The following RNF145 variants were observed in gnomAD, a reference collection of about 807,000 sequenced individuals.
The protein encoded by RNF145 is ring finger protein 145.
A neutral mutation model predicts 57.3 loss-of-function variants in RNF145; 12 were observed. That is an observed-to-expected ratio of 0.21 (90% CI 0.13 to 0.34). The LOEUF is 0.34. Ranked by LOEUF, RNF145 falls within the 10% of genes least tolerant of loss-of-function variation. RNF145 has a pLI of 1.00. For missense variants in RNF145, 429 were observed against 799.0 expected, an observed-to-expected ratio of 0.54 and a Z score of 5.58; for synonymous variants, 262 against 288.3, an observed-to-expected ratio of 0.91 and a Z score of 0.92.
chr5:159,200,962 G>C (rs916796545), intron 2 of RNF145, among the ~76,000 whole-genome samples: 9 of 152,158 alleles, frequency 5.9e-5, no homozygotes, highest in Non-Finnish European at 1.0e-4. Context: ...TGTGGTAACA[G>C]GCTGTTTTGA....
intron 5 of RNF145, among the ~76,000 whole-genome samples, chr5:159,175,595 C>T (rs1233391331): frequency 6.6e-6 from 1 of 152,090 alleles, no homozygotes; most frequent in Non-Finnish European, 1.5e-5. Flanking sequence ...ACAACTATAA[C>T]CCTTCCTGCC....
chr5:159,159,072 T>A, intron 10 of RNF145, 37 bp from the exon 11 acceptor site: 1 of 1,560,414 alleles, frequency 6.4e-7, no homozygotes, highest in South Asian at 1.2e-5. Flanking sequence ...TATAAATGTC[T>A]GTTTTCTAGT....
Position 159,174,140 on chromosome 5 carries a change from G to A in RNF145, c.640C>T (p.Leu214Phe). The stretch of plus-strand genomic sequence containing the variant: ...CACAGGGACATTCCCAAGGCGAGAA[G>A]GCCATATACCTCCACTACCTAAATA... Reference protein sequence around the residue: ...ELVQVVEVYGLLALGMSLWNQ... With the variant: ...ELVQVVEVYGFLALGMSLWNQ... The change falls in exon 6 of 11, where the codon CTT becomes TTT. Residue 214 changes from leucine (L) to phenylalanine (F), a missense_variant. Transcript: ENST00000424310. 6.2e-7 allele frequency: 1 copy of A among 1,610,056 alleles called. No homozygotes were observed. The highest frequency in any genetic ancestry group is 8.5e-7 in the Non-Finnish European group (1 of 1,178,258).
chr5:159,192,902 T>C (rs555417277), intron 3 of RNF145, among the ~76,000 whole-genome samples: 3 of 152,238 alleles, frequency 2.0e-5, no homozygotes, highest in African/African-American at 7.2e-5. Flanking sequence ...AATGACTGCA[T>C]TACACTCTAT....
chr5:159,165,101 A>G (rs1453074551), intron 8 of RNF145, among the ~76,000 whole-genome samples: 2 of 152,290 alleles, frequency 1.3e-5, no homozygotes, highest in South Asian at 2.1e-4. Flanking sequence ...TTGTCTGTGC[A>G]TGTCCCTCCT....
chr5:159,185,938 G>C (rs970579435), intron 3 of RNF145, among the ~76,000 whole-genome samples: 2 of 152,130 alleles, frequency 1.3e-5, no homozygotes, highest in African/African-American at 4.8e-5. Context: ...TCTATGAAAA[G>C]GGCCTCCGGC....
At chr5:159,159,120 CTCTT>C in intron 10 of RNF145, 85 bp from the exon 11 acceptor site, 1 of 1,233,346 alleles carries the variant, frequency 8.1e-7, no homozygotes, top group Non-Finnish European at 1.1e-6. Flanking sequence ...GTTCTAACAT[CTCTT>C]TCCCACAATA....
chr5:159,171,320 A>T (rs946167582), intron 6 of RNF145, among the ~76,000 whole-genome samples: 1 of 152,160 alleles, frequency 6.6e-6, no homozygotes, highest in Non-Finnish European at 1.5e-5. Flanking sequence ...CTTCATTCTT[A>T]TTGAAAAAGG....
At chr5:159,167,771 T>C (rs1240228966) in intron 8 of RNF145, among the ~76,000 whole-genome samples, 1 of 152,168 alleles carries the variant, frequency 6.6e-6, no homozygotes, top group Non-Finnish European at 1.5e-5. Context: ...GTCTAATAGT[T>C]TGAGCTTATT....
At chr5:159,193,440 G>A (rs1424674649) in intron 3 of RNF145, among the ~76,000 whole-genome samples, 1 of 152,136 alleles carries the variant, frequency 6.6e-6, no homozygotes, top group Admixed American at 6.5e-5. Context: ...GAAACACCCT[G>A]GGACTTTGAG....
intron 5 of RNF145, among the ~76,000 whole-genome samples, chr5:159,175,083 A>T (rs1361758110): frequency 6.6e-6 from 1 of 152,204 alleles, no homozygotes; most frequent in Non-Finnish European, 1.5e-5. Context: ...GTATTAAGTT[A>T]AAATAAATTG....
At chr5:159,160,766 T>A (rs781645075) in intron 10 of RNF145, among the ~76,000 whole-genome samples, 1 of 152,202 alleles carries the variant, frequency 6.6e-6, no homozygotes, top group South Asian at 2.1e-4. Flanking sequence ...GCCTTTACCA[T>A]ATTCACCCAC....
chr5:159,183,068 T>C (rs536348516), intron 3 of RNF145, among the ~76,000 whole-genome samples: 3 of 152,246 alleles, frequency 2.0e-5, no homozygotes, highest in African/African-American at 7.2e-5. Flanking sequence ...CAAAAAAGAA[T>C]CAAAACTTAA....
At chr5:159,199,597 T>C (rs1785592510) in intron 2 of RNF145, among the ~76,000 whole-genome samples, 1 of 152,192 alleles carries the variant, frequency 6.6e-6, no homozygotes, top group South Asian at 2.1e-4. Flanking sequence ...CATTACCTCT[T>C]GCCTAAAATC....
chr5:159,199,818 T>C (rs923786620), intron 2 of RNF145, among the ~76,000 whole-genome samples: 1 of 152,164 alleles, frequency 6.6e-6, no homozygotes, highest in Non-Finnish European at 1.5e-5. Context: ...CTACTCCTCC[T>C]TTCATATCCT....
chr5:159,208,189 C>CA (rs1474451391), intron 1 of RNF145: 3 of 1,354,842 alleles, frequency 2.2e-6, no homozygotes, highest in African/African-American at 2.9e-5. Flanking sequence ...CAGCTCGCGG[C>CA]AAGCAGGCAG....
intron 3 of RNF145, among the ~76,000 whole-genome samples, chr5:159,186,802 G>A (rs1248698848): frequency 1.3e-5 from 2 of 152,064 alleles, no homozygotes; most frequent in Non-Finnish European, 2.9e-5. Context: ...CAGTGAAACT[G>A]GTCAATTTTA....
At chr5:159,190,030 T>A (rs1381496945) in intron 3 of RNF145, among the ~76,000 whole-genome samples, 4 of 152,196 alleles carry the variant, frequency 2.6e-5, no homozygotes, top group Non-Finnish European at 5.9e-5. Flanking sequence ...TACAAACCAC[T>A]GAGCTGTATA....
At position 159,159,048 on chromosome 5, in the gene RNF145, G is replaced by GA. The variant is rs761105464; in HGVS notation, c.1627-14dup. On this transcript the variant is annotated splice_polypyrimidine_tract_variant and intron_variant, in intron 10 of 10. Transcript: ENST00000424310. ...CAGATTTCATGTCCTAAAAGAGGGG[G>GA]AAAAAAGATACCTTATAAATGTCTG... 4.8e-5 allele frequency: 76 copies of GA among 1,592,618 alleles called. No homozygotes were observed. The highest frequency in any genetic ancestry group is 6.2e-5 in the Non-Finnish European group (73 of 1,169,806).
Sources: gnomAD v4.1 joint callset for allele counts (sites outside exome capture counted in the v4.1 genomes callset) on GRCh38, gnomAD v4.1.1 for gene constraint, MANE v1.5 for transcripts, NCBI Gene and HGNC (gene_info 2026-07-23, HGNC 2026-07-21) for gene names.